Variants in BCL6 observed in about 807,000 individuals in gnomAD.
BCL6 encodes BCL6 transcription repressor, also known as B-cell lymphoma 6 protein.
In BCL6, 7 loss-of-function variants were observed where a neutral mutation model predicts 59.5. The observed-to-expected ratio is 0.12, with a 90% CI of 0.07 to 0.22. BCL6 has a LOEUF of 0.22. BCL6 is among the 10% of genes least tolerant of loss of function. The pLI is 1.00. For missense variants in BCL6, 685 were observed against 939.4 expected (o/e 0.73, Z 3.54); for synonymous variants, 339 against 349.7 (o/e 0.97, Z 0.34).
chr3:187,744,112 G>T (rs145935014), intron 1 of BCL6, among the ~76,000 whole-genome samples: 1 of 152,206 alleles, frequency 6.6e-6, no homozygotes. Context: ...TTTTTACAGA[G>T]CTTGCACCAT....
intron 4 of BCL6, among the ~76,000 whole-genome samples, chr3:187,731,250 C>A (rs1039934042): frequency 2.6e-5 from 4 of 151,920 alleles, no homozygotes; most frequent in African/African-American, 9.7e-5. Flanking sequence ...ACAGTCTGGT[C>A]GGGAACTAAG....
In BCL6 at chr3:187,726,640, C is replaced by A. The variant is rs981136833; in HGVS notation, c.1708+91G>T. ...TGCCTCCTGCCTTGCCCCACCAGGT[C>A]TCCAGGCCCCACACAGCTTTCTCTA... On this transcript the variant is annotated intron_variant, in intron 7 of 9. Transcript: ENST00000406870. 2.6e-6 allele frequency: 4 copies of A among 1,532,674 alleles called. No homozygotes were observed. The African/African-American group carries it at 5.5e-5, about 21-fold the overall frequency. The allele number at this position is 1,532,674 out of a possible 1,614,324, so 94.9% of individuals were successfully genotyped here.
At chr3:187,742,282 G>A (rs963415089) in intron 1 of BCL6, among the ~76,000 whole-genome samples, 3 of 152,168 alleles carry the variant, frequency 2.0e-5, no homozygotes, top group African/African-American at 7.2e-5. Context: ...GTAGGGGATA[G>A]AGGGAAGGAA....
At chr3:187,740,804 G>A (rs1711560608) in intron 1 of BCL6, among the ~76,000 whole-genome samples, 1 of 152,240 alleles carries the variant, frequency 6.6e-6, no homozygotes, top group African/African-American at 2.4e-5. Flanking sequence ...TTCGAAGCGG[G>A]TTATTTGTGG....
chr3:187,735,640 G>A (rs899013061), intron 1 of BCL6, among the ~76,000 whole-genome samples: 2 of 152,172 alleles, frequency 1.3e-5, no homozygotes, highest in African/African-American at 4.8e-5. Context: ...CTCCCTGCTG[G>A]TAAAAGACTT....
At position 187,729,697 on chromosome 3, in the gene BCL6, C is replaced by T. The variant is rs377546148; in HGVS notation, c.708G>A (p.Arg236=). 4 of 1,614,014 alleles carry T rather than the reference C, an allele frequency of 2.5e-6. No homozygotes were observed. Among genetic ancestry groups the T allele is most frequent in the East Asian group, 4.5e-5 (2 of 44,892 alleles). The change falls in exon 5 of 10, where the codon AGG becomes AGA. Residue 236 remains arginine, a synonymous_variant. Coordinates refer to ENST00000406870, the MANE Select transcript of BCL6 (RefSeq NM_001706.5). This position sits in a 1 kb window ranked among gnomAD's most constrained non-coding sequence, Gnocchi z 5.6. ...GCCGGCTGTACTCACCAGGGACTGGCCTGGCACTATCACATGGGAGTGCCC... is the reference window on the plus strand; with the variant it reads ...GCCGGCTGTACTCACCAGGGACTGGTCTGGCACTATCACATGGGAGTGCCC... ...KERALPCDSA[R]PVPGEYSRPT...
chr3:187,727,947 G>T (rs1330306228), intron 6 of BCL6, among the ~76,000 whole-genome samples: 2 of 152,156 alleles, frequency 1.3e-5, no homozygotes, highest in Non-Finnish European at 2.9e-5. Context: ...CTACCTATGG[G>T]GGATGTGAGA....
chr3:187,733,136 A>G (rs144137498), intron 3 of BCL6, among the ~76,000 whole-genome samples: 79 of 152,372 alleles, frequency 5.2e-4, no homozygotes, highest in Non-Finnish European at 6.6e-4. Context: ...CAAAAAATAA[A>G]TACATTTATA....
At position 187,725,558 on chromosome 3, in the gene BCL6, G is replaced by A. The variant is rs752044631; in HGVS notation, c.1780C>T (p.Arg594Ter). Residue 594 changes from arginine (R) to a stop codon, truncating the protein, a stop_gained, in exon 8 of 10, where the codon CGA (arginine) becomes TGA (stop). Transcript: ENST00000406870. LOFTEE classifies it high-confidence loss of function. The surrounding 1 kb of genome is among the most constrained non-coding windows in gnomAD (Gnocchi z 4.7). ...TAGGGCTTCTCTCCAGAGTGAATTCGAGTGTGGGTTTTCAGGTTGGCTGGC... is the reference window on the plus strand; with the variant it reads ...TAGGGCTTCTCTCCAGAGTGAATTCAAGTGTGGGTTTTCAGGTTGGCTGGC... The part of the protein sequence containing the change: ...NRPANLKTHT[R>*]IHSGEKPYKC... 6.2e-7 allele frequency: 1 copy of A among 1,614,188 alleles called. No homozygotes were observed. The highest frequency in any genetic ancestry group is 2.2e-5 in the East Asian group (1 of 44,884).
chr3:187,739,879 C>G (rs1039525792), intron 1 of BCL6, among the ~76,000 whole-genome samples: 5 of 152,206 alleles, frequency 3.3e-5, no homozygotes, highest in Admixed American at 3.3e-4. Flanking sequence ...AGCCAAGGTC[C>G]TTATTCACGT....
At chr3:187,741,089 C>T (rs1711570077) in intron 1 of BCL6, among the ~76,000 whole-genome samples, 1 of 152,176 alleles carries the variant, frequency 6.6e-6, no homozygotes, top group Admixed American at 6.5e-5. Flanking sequence ...GCTTCCACAC[C>T]GATCCCTACC....
intron 2 of BCL6, among the ~76,000 whole-genome samples, chr3:187,734,207 A>T (rs914420634): frequency 7.9e-5 from 12 of 151,970 alleles, no homozygotes; most frequent in African/African-American, 2.9e-4. Context: ...TGCCCAGCTA[A>T]TTTTTTTGTA....
intron 9 of BCL6, chr3:187,724,638 G>C (rs1322585991): frequency 2.7e-6 from 1 of 368,132 alleles, no homozygotes; most frequent in Non-Finnish European, 5.1e-6. Flanking sequence ...TCTAGGTGGA[G>C]TGAATCAAGT....
rs549576044 is a variant in BCL6 at position 187,723,015 on chromosome 3, C to G, written c.1978-414G>C. 1.2e-3 allele frequency among the ~76,000 whole-genome samples: 190 copies of G among 152,324 alleles called. 1 individual carries two copies. The highest frequency in any genetic ancestry group is 4.4e-3 in the African/African-American group (183 of 41,576). ...ACACAGCCCTCCGTGTGCATGGATCCTTCTTCAGTGGGTAACACTTTGAGG... is the reference window on the plus strand; with the variant it reads ...ACACAGCCCTCCGTGTGCATGGATCGTTCTTCAGTGGGTAACACTTTGAGG... On this transcript the variant is annotated intron_variant, in intron 9 of 9. Transcript: ENST00000406870.
chr3:187,725,692 T>C lies in BCL6; in HGVS notation c.1709-63A>G, dbSNP rs1013990176. The C allele has an allele frequency of 1.3e-6, 2 of 1,598,412 alleles. No homozygotes were observed. Among genetic ancestry groups the C allele is most frequent in the Non-Finnish European group, 1.7e-6 (2 of 1,170,676 alleles). On this transcript the variant is annotated intron_variant, in intron 7 of 9. Transcript: ENST00000406870. The surrounding 1 kb of genome is among the most constrained non-coding windows in gnomAD (Gnocchi z 4.7). Reference sequence around the variant, plus strand: ...CAATAAGGAAGGTCTCTGCAGTCCGTGGCTCCTGGATTTCTAAGCAGCCTG... The same window carrying C: ...CAATAAGGAAGGTCTCTGCAGTCCGCGGCTCCTGGATTTCTAAGCAGCCTG...
intron 7 of BCL6, among the ~76,000 whole-genome samples, chr3:187,726,394 AGGCTTTTTTTTCT>A (rs1346038410): frequency 6.6e-6 from 1 of 152,234 alleles, no homozygotes; most frequent in East Asian, 1.9e-4. Context: ...ACAAATCAAC[AGGCTTTTTTTTCT>A]GGCTTTACAA....
At chr3:187,738,698 C>T (rs997457914) in intron 1 of BCL6, among the ~76,000 whole-genome samples, 1 of 152,286 alleles carries the variant, frequency 6.6e-6, no homozygotes, top group Middle Eastern at 3.4e-3. Flanking sequence ...CCACAAAGGC[C>T]GCAGTCTGGT....
Position 187,728,403 on chromosome 3 carries a change from C to T in BCL6, c.1497G>A (p.Glu499=), listed in dbSNP as rs760333691. 6.3e-5 allele frequency: 102 copies of T among 1,609,346 alleles called. No individual in the cohort carries two copies. The Admixed American group carries it at 7.8e-4, about 12-fold the overall frequency. Residue 499 remains glutamate (E), a synonymous_variant, in exon 6 of 10, where the codon GAG becomes GAA. Coordinates refer to ENST00000406870, the MANE Select transcript of BCL6 (RefSeq NM_001706.5). Reference sequence around the variant, plus strand: ...ACTCAGACTGGGTCTCTCCCATCTCCTCAGGGAACGTGGGGCCAGCGGTGT... The same window carrying T: ...ACTCAGACTGGGTCTCTCCCATCTCTTCAGGGAACGTGGGGCCAGCGGTGT... The part of the protein sequence containing the change: ...CLHTAGPTFP[E]EMGETQSEYS...
At chr3:187,744,752 G>T (rs1423884572) in intron 1 of BCL6, among the ~76,000 whole-genome samples, 4 of 152,214 alleles carry the variant, frequency 2.6e-5, no homozygotes, top group South Asian at 2.1e-4. Context: ...ACAGGGGAAG[G>T]GAAGGAAGAA....
Sources: allele counts gnomAD v4.1 joint callset (sites outside exome capture counted in the v4.1 genomes callset), GRCh38; gene constraint gnomAD v4.1.1; non-coding constraint Gnocchi (gnomAD v3.1); transcripts MANE v1.5; gene names NCBI Gene and HGNC (gene_info 2026-07-23, HGNC 2026-07-21).